CDH13: variants seen among roughly 807,000 people sequenced by gnomAD.
CDH13 encodes cadherin-13.
CDH13 carries 24 observed loss-of-function variants against 63.8 expected under a neutral mutation model. That is an observed-to-expected ratio of 0.38 (90% CI 0.27 to 0.53). The LOEUF is 0.53. Ranked by LOEUF, CDH13 falls within the 20% of genes least tolerant of loss-of-function variation. CDH13 has a pLI of 0.85. For synonymous variants in CDH13, 503 were observed against 355.3 expected (o/e 1.42, Z -4.67); for missense variants, 1,049 against 903.1 (o/e 1.16, Z -2.07).
chr16:83,426,866 GAC>G (rs2071919337), intron 6 of CDH13, among the ~76,000 whole-genome samples: 1 of 135,350 alleles, frequency 7.4e-6, no homozygotes, highest in South Asian at 2.5e-4. Context: ...CCCCAAATAT[GAC>G]TTTGTCCTAA....
intron 1 of CDH13, among the ~76,000 whole-genome samples, chr16:82,734,184 G>C (rs2033550760): frequency 6.6e-6 from 1 of 152,224 alleles, no homozygotes; most frequent in Non-Finnish European, 1.5e-5. Flanking sequence ...TTGTTTTCAT[G>C]AATAAAGTTC....
At chr16:82,707,629 T>A (rs1415470105) in intron 1 of CDH13, among the ~76,000 whole-genome samples, 2 of 152,208 alleles carry the variant, frequency 1.3e-5, no homozygotes, top group African/African-American at 4.8e-5. Flanking sequence ...TGATGACAGA[T>A]TGCCTGTCTG....
At chr16:83,458,143 G>T (rs2073074241) in intron 6 of CDH13, among the ~76,000 whole-genome samples, 1 of 152,142 alleles carries the variant, frequency 6.6e-6, no homozygotes, top group African/African-American at 2.4e-5. Context: ...TCGTCTGCTG[G>T]GACGTCTCTG....
At position 83,118,354 on chromosome 16, in the gene CDH13, G is replaced by T. The variant is rs148089339; in HGVS notation, c.367-7031G>T. On this transcript the variant is annotated intron_variant, in intron 3 of 13. Transcript: ENST00000567109. ...ATGCATGTCTGTTGCATGTACATCT[G>T]CTCGTGAGTGTGTGTGTATGTGTGT... 2.6e-5 allele frequency among the ~76,000 whole-genome samples: 4 copies of T among 152,338 alleles called. No individual in the cohort carries two copies. In the East Asian group the frequency reaches 7.7e-4, roughly 29 times the overall value.
chr16:83,774,286 G>C (rs1246087939), intron 11 of CDH13, among the ~76,000 whole-genome samples: 3 of 152,178 alleles, frequency 2.0e-5, no homozygotes, highest in Middle Eastern at 3.4e-3. Context: ...CTATGACACA[G>C]GCTGTCATAG....
chr16:83,652,147 C>T (rs1912442641), intron 8 of CDH13, among the ~76,000 whole-genome samples: 2 of 152,158 alleles, frequency 1.3e-5, no homozygotes, highest in Non-Finnish European at 2.9e-5. Context: ...CAGTCGGGCC[C>T]AAGGGGTCTA....
intron 1 of CDH13, among the ~76,000 whole-genome samples, chr16:82,649,781 C>T (rs1170707436): frequency 6.6e-6 from 1 of 152,182 alleles, no homozygotes. Context: ...ACCAGACTGC[C>T]TGGGTTTGAG....
chr16:83,623,700 T>C lies in CDH13; in HGVS notation c.1101+21106T>C, dbSNP rs985536396. Among the ~76,000 whole-genome samples, 3 of 152,168 alleles carry C rather than the reference T, an allele frequency of 2.0e-5. No homozygotes were observed. The East Asian group carries it at 5.8e-4, about 29-fold the overall frequency. ...TGTCTGGTCTATAATAACCACGCAC[T>C]GGCCTCTCACATCATGGGCACTGGA... On this transcript the variant is annotated intron_variant, in intron 8 of 13. Coordinates refer to ENST00000567109, the MANE Select transcript of CDH13 (RefSeq NM_001257.5).
At chr16:83,100,252 A>G (rs998903149) in intron 3 of CDH13, among the ~76,000 whole-genome samples, 4 of 152,070 alleles carry the variant, frequency 2.6e-5, no homozygotes, top group African/African-American at 9.7e-5. Flanking sequence ...CAAAAATAAT[A>G]TAAATAAGTA....
intron 8 of CDH13, among the ~76,000 whole-genome samples, chr16:83,606,947 A>T (rs928811271): frequency 6.6e-6 from 1 of 151,968 alleles, no homozygotes; most frequent in African/African-American, 2.4e-5. Flanking sequence ...AGTAAATGTC[A>T]CTTGAAAACT....
intron 1 of CDH13, among the ~76,000 whole-genome samples, chr16:82,706,109 T>C (rs974541898): frequency 3.9e-5 from 6 of 151,914 alleles, no homozygotes; most frequent in African/African-American, 1.5e-4. Flanking sequence ...TCTTCCTCAC[T>C]CCTCCCTTCT....
intron 13 of CDH13, among the ~76,000 whole-genome samples, chr16:83,792,948 G>C (rs1181497285): frequency 1.3e-5 from 2 of 152,166 alleles, no homozygotes; most frequent in African/African-American, 2.4e-5. Flanking sequence ...AAAATGAAAA[G>C]AGTGCCTCAA....
chr16:83,307,680 T>C (rs999663677), intron 5 of CDH13, among the ~76,000 whole-genome samples: 6 of 152,286 alleles, frequency 3.9e-5, no homozygotes, highest in South Asian at 2.1e-4. Flanking sequence ...ATGTTAATAA[T>C]AGAAATTGAA....
intron 3 of CDH13, among the ~76,000 whole-genome samples, chr16:83,108,512 A>G (rs1200713636): frequency 6.6e-6 from 1 of 152,150 alleles, no homozygotes; most frequent in Non-Finnish European, 1.5e-5. Context: ...TACCACAGAA[A>G]CAAGAGAGGC....
intron 5 of CDH13, among the ~76,000 whole-genome samples, chr16:83,226,218 C>G (rs2039832911): frequency 6.6e-6 from 1 of 152,196 alleles, no homozygotes; most frequent in Non-Finnish European, 1.5e-5. Context: ...CCGGCCTTAT[C>G]TGTCAGGTGC....
At chr16:83,228,107 C>T (rs369062164) in intron 5 of CDH13, among the ~76,000 whole-genome samples, 1 of 152,306 alleles carries the variant, frequency 6.6e-6, no homozygotes. Context: ...CTCCTGAGGG[C>T]AGGAATGAGT....
intron 5 of CDH13, among the ~76,000 whole-genome samples, chr16:83,275,840 G>C (rs113433439): frequency 2.0e-5 from 3 of 152,170 alleles, no homozygotes; most frequent in Non-Finnish European, 4.4e-5. Context: ...GAAGGAAAGA[G>C]GGGTGAGGGA....
At chr16:82,694,890 T>A (rs937610150) in intron 1 of CDH13, among the ~76,000 whole-genome samples, 18 of 152,142 alleles carry the variant, frequency 1.2e-4, no homozygotes, top group African/African-American at 3.6e-4. Flanking sequence ...CCTTGGGTAT[T>A]CTTACTGAGC....
chr16:83,436,359 C>G (rs1431326100), intron 6 of CDH13, among the ~76,000 whole-genome samples: 3 of 152,102 alleles, frequency 2.0e-5, no homozygotes, highest in African/African-American at 4.8e-5. Flanking sequence ...AAAACGTACT[C>G]TCTCTAGAGG....
Sources: allele counts gnomAD v4.1 joint callset (sites outside exome capture counted in the v4.1 genomes callset), GRCh38; gene constraint gnomAD v4.1.1; transcripts MANE v1.5; gene names NCBI Gene and HGNC (gene_info 2026-07-23, HGNC 2026-07-21).